Variants in NAV3 observed in about 807,000 individuals in gnomAD.
NAV3 encodes the protein neuron navigator 3.
A neutral mutation model predicts 244.7 loss-of-function variants in NAV3; 87 were observed. The observed-to-expected ratio is 0.36, with a 90% CI of 0.30 to 0.42. The LOEUF is 0.42. Ranked by LOEUF, NAV3 falls within the 20% of genes least tolerant of loss-of-function variation. The probability of loss-of-function intolerance (pLI) is 1.00; values close to 1 mark genes in which losing one functional copy is unlikely to be tolerated. For synonymous variants in NAV3, 1,126 were observed against 1,042.2 expected, an observed-to-expected ratio of 1.08 and a Z score of -1.55; for missense variants, 2,663 against 2,893.3, an observed-to-expected ratio of 0.92 and a Z score of 1.83.
chr12:77,771,571 A>G (rs1024679994), intron 2 of NAV3, among the ~76,000 whole-genome samples: 1 of 152,210 alleles, frequency 6.6e-6, no homozygotes, highest in Non-Finnish European at 1.5e-5. Context: ...ACACCATGGA[A>G]TACTATGCAG....
intron 2 of NAV3, among the ~76,000 whole-genome samples, chr12:77,722,500 T>C (rs1876684172): frequency 6.6e-6 from 1 of 152,116 alleles, no homozygotes. Flanking sequence ...TAGCAATAAC[T>C]TTTGATTATT....
chr12:78,028,839 C>T (rs1878502564), intron 9 of NAV3, among the ~76,000 whole-genome samples: 1 of 152,148 alleles, frequency 6.6e-6, no homozygotes, highest in Non-Finnish European at 1.5e-5. Flanking sequence ...AATGTTTATG[C>T]CATGTACTTT....
intron 12 of NAV3, among the ~76,000 whole-genome samples, chr12:78,094,905 G>C (rs1162252434): frequency 1.3e-5 from 2 of 151,706 alleles, no homozygotes; most frequent in African/African-American, 4.8e-5. Context: ...AAATTAGCTA[G>C]GTGTGGTGGC....
chr12:77,593,178 T>TA (rs1440601965), intron 2 of NAV3, among the ~76,000 whole-genome samples: 1 of 152,080 alleles, frequency 6.6e-6, no homozygotes, highest in Non-Finnish European at 1.5e-5. Flanking sequence ...GATTATAGTT[T>TA]AAAAAATAAT....
intron 1 of NAV3, among the ~76,000 whole-genome samples, chr12:77,903,180 C>T (rs968161235): frequency 5.9e-5 from 9 of 152,082 alleles, no homozygotes; most frequent in African/African-American, 1.2e-4. Flanking sequence ...GAGCCCGCAT[C>T]GCCAAGACAA....
chr12:78,016,248 T>TACAC (rs1358085680), intron 8 of NAV3, among the ~76,000 whole-genome samples: 3 of 152,106 alleles, frequency 2.0e-5, no homozygotes, highest in Non-Finnish European at 4.4e-5. Flanking sequence ...TATGTATGCA[T>TACAC]ACACACACAT....
At chr12:77,645,482 C>T (rs1336596224) in intron 2 of NAV3, among the ~76,000 whole-genome samples, 1 of 133,268 alleles carries the variant, frequency 7.5e-6, no homozygotes, top group African/African-American at 2.9e-5. Context: ...GTCAAGTAGG[C>T]AGTTTGAGCA....
chr12:77,962,386 A>T (rs1376606846), intron 3 of NAV3, among the ~76,000 whole-genome samples: 2 of 152,162 alleles, frequency 1.3e-5, no homozygotes, highest in Non-Finnish European at 2.9e-5. Context: ...AACATGTCGA[A>T]AAAGAAACTT....
chr12:78,138,941 A>G (rs1324876080), intron 19 of NAV3, among the ~76,000 whole-genome samples: 1 of 152,148 alleles, frequency 6.6e-6, no homozygotes, highest in Admixed American at 6.6e-5. Flanking sequence ...TATCCTACCT[A>G]ATGCTCACAC....
At position 77,612,306 on chromosome 12, in the gene NAV3, C is replaced by T. The variant is rs536784880; in HGVS notation, c.72+40040C>T. Among the ~76,000 whole-genome samples, 19 of 152,230 alleles carry T rather than the reference C, an allele frequency of 1.2e-4. No homozygotes were observed. In the South Asian group the frequency reaches 3.7e-3, roughly 30 times the overall value. On this transcript the variant is annotated intron_variant, in intron 2 of 8. Transcript: ENST00000550042. ...TCATTATGTGCACTTGTAGATAATA[C>T]ACAATTTTGAATTTTTATAAAGTGG...
chr12:77,729,754 A>T (rs1009543514), intron 2 of NAV3, among the ~76,000 whole-genome samples: 2 of 151,950 alleles, frequency 1.3e-5, no homozygotes, highest in African/African-American at 4.8e-5. Context: ...CTAAATCCTG[A>T]TATAAGGCAG....
intron 1 of NAV3, among the ~76,000 whole-genome samples, chr12:77,898,187 A>G (rs900900024): frequency 6.6e-6 from 1 of 152,222 alleles, no homozygotes; most frequent in Non-Finnish European, 1.5e-5. Flanking sequence ...ATATTATATC[A>G]TGATTTCCGT....
At chr12:77,802,681 T>C (rs1026723367) in intron 2 of NAV3, among the ~76,000 whole-genome samples, 15 of 152,130 alleles carry the variant, frequency 9.9e-5, no homozygotes, top group Non-Finnish European at 2.2e-4. Context: ...TTTTCTTTTT[T>C]TTTGAGATGG....
intron 5 of NAV3, among the ~76,000 whole-genome samples, chr12:77,992,348 GA>G (rs1252287857): frequency 6.6e-6 from 1 of 152,132 alleles, no homozygotes; most frequent in Non-Finnish European, 1.5e-5. Flanking sequence ...GGTACAAATG[GA>G]ATTATAGATA....
chr12:77,708,238 G>A (rs1875928510), intron 2 of NAV3, among the ~76,000 whole-genome samples: 1 of 152,194 alleles, frequency 6.6e-6, no homozygotes, highest in South Asian at 2.1e-4. Flanking sequence ...TTTTGTATAA[G>A]ATATAAGGAA....
At chr12:77,709,196 A>G (rs1041518664) in intron 2 of NAV3, among the ~76,000 whole-genome samples, 4 of 152,238 alleles carry the variant, frequency 2.6e-5, no homozygotes, top group Admixed American at 2.0e-4. Context: ...AACCAAAGAC[A>G]AAAACCACAT....
chr12:77,846,073 A>C (rs1193747061), intron 1 of NAV3, among the ~76,000 whole-genome samples: 1 of 152,196 alleles, frequency 6.6e-6, no homozygotes. Context: ...CGGATGAACG[A>C]AGATTGGAGA....
chr12:78,057,095 G>A (rs751758760), intron 11 of NAV3, among the ~76,000 whole-genome samples: 9 of 152,170 alleles, frequency 5.9e-5, no homozygotes, highest in Non-Finnish European at 1.0e-4. Context: ...GAATTAGTCA[G>A]AGAAAGGCCT....
chr12:77,576,279 AT>A lies in NAV3; in HGVS notation c.72+4023del, dbSNP rs370726175. 7.2e-3 allele frequency among the ~76,000 whole-genome samples: 1,080 copies of A among 149,972 alleles called. 13 individuals are homozygous for A. The highest frequency in any genetic ancestry group is 0.025 in the African/African-American group (1,013 of 41,018). ...AAGCCTATTATTTTAGGCTCCTGTG[AT>A]TTTTTTTTTGGACTGAAAATCAAGT... On this transcript the variant is annotated intron_variant, in intron 2 of 8. Coordinates refer to the NAV3 transcript ENST00000550042.
Sources: allele counts gnomAD v4.1 joint callset (sites outside exome capture counted in the v4.1 genomes callset), GRCh38; gene constraint gnomAD v4.1.1; transcripts MANE v1.5; gene names NCBI Gene and HGNC (gene_info 2026-07-23, HGNC 2026-07-21).